PABPC4L: variants seen among roughly 807,000 people sequenced by gnomAD.
PABPC4L encodes poly(A) binding protein cytoplasmic 4 like, also known as polyadenylate-binding protein 4-like.
For synonymous variants in PABPC4L, 169 were observed against 164.1 expected, an observed-to-expected ratio of 1.03 and a Z score of -0.23; for missense variants, 452 against 451.4, an observed-to-expected ratio of 1.00 and a Z score of -0.01.
At chr4:134,114,845 A>G in the PABPC4L span, among the ~76,000 whole-genome samples, 1 of 151,944 alleles carries the variant, frequency 6.6e-6, no homozygotes, top group Non-Finnish European at 1.5e-5. Context: ...CATTAAAATG[A>G]ATTATCATCT....
At chr4:134,110,286 C>T in the PABPC4L span, among the ~76,000 whole-genome samples, 1 of 151,904 alleles carries the variant, frequency 6.6e-6, no homozygotes, top group Non-Finnish European at 1.5e-5. Context: ...GTAGTAATTA[C>T]TGTCAATTAA....
the PABPC4L span, among the ~76,000 whole-genome samples, chr4:134,130,060 G>A: frequency 1.4e-4 from 17 of 124,792 alleles, no homozygotes; most frequent in African/African-American, 4.8e-4. Flanking sequence ...GCGAGACTCT[G>A]TTTAAAAAAA....
At chr4:134,076,234 A>T in the PABPC4L span, among the ~76,000 whole-genome samples, 1 of 152,216 alleles carries the variant, frequency 6.6e-6, no homozygotes, top group African/African-American at 2.4e-5. Flanking sequence ...AGGGTCTGAA[A>T]GTTTCTGATG....
chr4:134,105,275 C>A, the PABPC4L span, among the ~76,000 whole-genome samples: 1 of 151,748 alleles, frequency 6.6e-6, no homozygotes, highest in Non-Finnish European at 1.5e-5. Context: ...AAATATATCT[C>A]TGTGGAATAT....
At chr4:134,051,936 T>G in the PABPC4L span, among the ~76,000 whole-genome samples, 1 of 152,112 alleles carries the variant, frequency 6.6e-6, no homozygotes, top group Non-Finnish European at 1.5e-5. Flanking sequence ...AGATATAAAT[T>G]AAATGGTACT....
chr4:134,159,228 C>T, the PABPC4L span, among the ~76,000 whole-genome samples: 7 of 152,078 alleles, frequency 4.6e-5, no homozygotes, highest in African/African-American at 7.2e-5. Context: ...CAATAATAAA[C>T]GTAGGTAATT....
At chr4:134,118,705 C>CT in the PABPC4L span, among the ~76,000 whole-genome samples, 21 of 151,700 alleles carry the variant, frequency 1.4e-4, 2 homozygotes, top group South Asian at 2.5e-3. Flanking sequence ...AGAGATTTCT[C>CT]TTTTTTTCTT....
At chr4:134,098,238 T>C in the PABPC4L span, among the ~76,000 whole-genome samples, 2 of 151,888 alleles carry the variant, frequency 1.3e-5, no homozygotes, top group East Asian at 3.9e-4. Flanking sequence ...AGCACTCCTT[T>C]ATATGAATAT....
chr4:134,118,757 C>T, the PABPC4L span, among the ~76,000 whole-genome samples: 42 of 151,658 alleles, frequency 2.8e-4, no homozygotes, highest in East Asian at 7.4e-3. Context: ...AGTATATTCC[C>T]TAGTTTGCTT....
the PABPC4L span, among the ~76,000 whole-genome samples, chr4:133,989,667 A>G: frequency 6.6e-6 from 1 of 152,118 alleles, no homozygotes; most frequent in South Asian, 2.1e-4. Context: ...TGAGCCCTCC[A>G]AACTGTTCCA....
At chr4:134,122,886 A>T in the PABPC4L span, among the ~76,000 whole-genome samples, 2 of 152,018 alleles carry the variant, frequency 1.3e-5, no homozygotes, top group Non-Finnish European at 2.9e-5. Context: ...TTATATATAC[A>T]TATATTAACT....
the PABPC4L span, among the ~76,000 whole-genome samples, chr4:134,071,141 G>A: frequency 1.3e-5 from 2 of 152,192 alleles, no homozygotes; most frequent in Admixed American, 1.3e-4. Flanking sequence ...TCCATGGCAA[G>A]AGCACGTTGC....
At chr4:134,177,377 T>C in the PABPC4L span, among the ~76,000 whole-genome samples, 1 of 152,064 alleles carries the variant, frequency 6.6e-6, no homozygotes, top group African/African-American at 2.4e-5. Flanking sequence ...GGTTTCACCA[T>C]ATTGGCCAGG....
At chr4:134,155,506 T>G in the PABPC4L span, among the ~76,000 whole-genome samples, 108 of 151,950 alleles carry the variant, frequency 7.1e-4, 2 homozygotes, top group East Asian at 0.012. Context: ...TATGTCTATC[T>G]TCCCCATTGC....
At chr4:134,158,021 A>C in the PABPC4L span, among the ~76,000 whole-genome samples, 1 of 151,904 alleles carries the variant, frequency 6.6e-6, no homozygotes, top group Non-Finnish European at 1.5e-5. Flanking sequence ...GGCTATATTT[A>C]TAACATTTAT....
chr4:134,122,305 A>T, the PABPC4L span, among the ~76,000 whole-genome samples: 7 of 151,902 alleles, frequency 4.6e-5, no homozygotes, highest in African/African-American at 1.4e-4. Flanking sequence ...ATCTGCCATC[A>T]TGTACCATGA....
the PABPC4L span, among the ~76,000 whole-genome samples, chr4:134,143,321 T>C: frequency 6.7e-6 from 1 of 150,138 alleles, no homozygotes; most frequent in Admixed American, 6.7e-5. Context: ...ATTTACTATA[T>C]TAACTATGTT....
the PABPC4L span, among the ~76,000 whole-genome samples, chr4:134,046,671 G>T: frequency 6.6e-6 from 1 of 152,162 alleles, no homozygotes; most frequent in African/African-American, 2.4e-5. Flanking sequence ...GCTTTCTTGG[G>T]CAGAGGTCCC....
chr4:134,130,839 C>T, the PABPC4L span, among the ~76,000 whole-genome samples: 1 of 152,170 alleles, frequency 6.6e-6, no homozygotes. Flanking sequence ...AAAGATAATC[C>T]ACCATGATCC....
Sources: allele counts gnomAD v4.1 joint callset (sites outside exome capture counted in the v4.1 genomes callset), GRCh38; gene constraint gnomAD v4.1.1; transcripts MANE v1.5; gene names NCBI Gene and HGNC (gene_info 2026-07-23, HGNC 2026-07-21).